RASAL1: variants seen among roughly 807,000 people sequenced by gnomAD.
RASAL1 encodes the protein rasGAP-activating-like protein 1.
Under a neutral mutation model 96.6 loss-of-function variants are expected in RASAL1, and 72 were observed. The ratio of observed to expected loss-of-function variants is 0.75; its 90% CI spans 0.62 to 0.91. RASAL1 has a LOEUF of 0.91. Ranked by LOEUF, RASAL1 falls within the 40% of genes least tolerant of loss-of-function variation. The probability of loss-of-function intolerance (pLI) is 0.00; values close to 1 mark genes in which losing one functional copy is unlikely to be tolerated. For synonymous variants in RASAL1, 405 were observed against 430.4 expected, an observed-to-expected ratio of 0.94 and a Z score of 0.73; for missense variants, 1,016 against 1,072.5, an observed-to-expected ratio of 0.95 and a Z score of 0.74.
At chr12:113,119,902 T>A (rs1951227974) in intron 5 of RASAL1, among the ~76,000 whole-genome samples, 1 of 152,088 alleles carries the variant, frequency 6.6e-6, no homozygotes, top group Non-Finnish European at 1.5e-5. Context: ...CAGACCAACC[T>A]CATAGAGCCG....
In RASAL1 at chr12:113,131,027, T is replaced by C. The variant is rs942062787; in HGVS notation, c.66-86A>G. 5.9e-6 allele frequency: 6 copies of C among 1,011,722 alleles called. No homozygotes were observed. The African/African-American group carries it at 9.6e-5, about 16-fold the overall frequency. The allele number at this position is 1,011,722 out of a possible 1,614,324, so 62.7% of individuals were successfully genotyped here. The stretch of plus-strand genomic sequence containing the variant: ...CCCAGTCATGACACAGGCAGGGGAG[T>C]CGGAGGCACAGACAGAGAAGGGGAC... On this transcript the variant is annotated intron_variant, in intron 1 of 20. Transcript: ENST00000548055.
At chr12:113,111,164 TG>T (rs1950854566) in intron 13 of RASAL1, among the ~76,000 whole-genome samples, 2 of 152,184 alleles carry the variant, frequency 1.3e-5, no homozygotes, top group African/African-American at 4.8e-5. Flanking sequence ...TTTCTATCCA[TG>T]TTGGTATAGC....
chr12:113,127,099 G>A (rs955493405), intron 4 of RASAL1, among the ~76,000 whole-genome samples: 11 of 150,940 alleles, frequency 7.3e-5, no homozygotes, highest in African/African-American at 2.7e-4. Flanking sequence ...ATGTTGTCCA[G>A]GCTGCTCACG....
upstream of RASAL1, among the ~76,000 whole-genome samples, chr12:113,136,449 A>T (rs183841308): frequency 0.012 from 1,851 of 152,246 alleles, 25 homozygotes; most frequent in African/African-American, 0.042. Context: ...ACTACACACT[A>T]CTCCACTGTT....
Position 113,117,225 on chromosome 12 carries a change from G to A in RASAL1, c.643-64C>T, listed in dbSNP as rs1951122900. On this transcript the variant is annotated intron_variant, in intron 7 of 20. Transcript: ENST00000548055. ...GCCTGCCCTGCCCTGCCTGGCTCAG[G>A]TCTCACCTAGCCCTGGAAGAACAGA... is the stretch of plus-strand genomic sequence containing the variant. 4 of 1,261,624 alleles carry A rather than the reference G, an allele frequency of 3.2e-6. No homozygotes were observed. The African/African-American group carries it at 4.5e-5, about 14-fold the overall frequency. 78.2% of individuals were successfully genotyped at this position (1,261,624 alleles called of 1,614,324 possible). A position where few individuals can be genotyped will look rare whatever the true frequency, so the allele number is the denominator to read the frequency against.
At chr12:113,114,346 C>T (rs191483138) in intron 12 of RASAL1, among the ~76,000 whole-genome samples, 22 of 151,822 alleles carry the variant, frequency 1.4e-4, no homozygotes, top group African/African-American at 4.1e-4. Context: ...TGGTGGTGTG[C>T]GCCTATAGTC....
chr12:113,116,428 A>T (rs567103852), intron 8 of RASAL1, among the ~76,000 whole-genome samples: 2 of 152,238 alleles, frequency 1.3e-5, no homozygotes, highest in South Asian at 4.1e-4. Context: ...GCGCATGGGC[A>T]GGTGTGGAGA....
chr12:113,099,768 T>C lies in RASAL1; in HGVS notation c.*161A>G. ...CCCCTGCCAAAGGGCTTCCATGCCC[T>C]GAGTTCTGGACTCAAGGCACACAGG... is the stretch of plus-strand genomic sequence containing the variant. On this transcript the variant is annotated 3_prime_UTR_variant, in exon 21 of 21. Transcript: ENST00000548055. 2 of 1,054,404 alleles carry C rather than the reference T, an allele frequency of 1.9e-6. No homozygotes were observed. The highest frequency in any genetic ancestry group is 1.6e-5 in the African/African-American group (1 of 62,938). 65.3% of individuals were successfully genotyped at this position (1,054,404 alleles called of 1,614,324 possible).
intron 12 of RASAL1, 127 bp from the exon 13 acceptor site, chr12:113,112,405 C>T: frequency 1.5e-6 from 1 of 657,156 alleles, no homozygotes; most frequent in Non-Finnish European, 2.2e-6. Flanking sequence ...CTTCCTGCCC[C>T]TTCCCACCGG....
In RASAL1 at chr12:113,114,890, T is replaced by C; in HGVS notation, c.1091A>G (p.His364Arg). 1 of 1,613,976 alleles carries C rather than the reference T, an allele frequency of 6.2e-7. No individual in the cohort carries two copies. Among genetic ancestry groups the C allele is most frequent in the Non-Finnish European group, 8.5e-7 (1 of 1,179,980 alleles). ...GCTAATCACAGGCTTCAGGACCTCG[T>C]GCAGGTAGGGCATGCCCACGAGCTG... ...FMKLVGMPYL[H>R]EVLKPVISRV... is the part of the protein sequence containing the mutation. The change falls in exon 12 of 21, where the codon CAC (histidine) becomes CGC (arginine). Residue 364 changes from histidine to arginine, a missense_variant. By Grantham distance (29) the His-to-Arg change is conservative (BLOSUM62 0). Coordinates refer to ENST00000548055, the MANE Select transcript of RASAL1 (RefSeq NM_001301202.2).
intron 18 of RASAL1, chr12:113,103,234 GTTA>G (rs148179381): frequency 0.11 from 16,604 of 148,614 alleles, 1,077 homozygotes; most frequent in Middle Eastern, 0.19. Context: ...TAATAACAAT[GTTA>G]TTATTTACAA....
intron 7 of RASAL1, among the ~76,000 whole-genome samples, chr12:113,118,814 T>G (rs1161954083): frequency 6.6e-6 from 1 of 152,116 alleles, no homozygotes; most frequent in Non-Finnish European, 1.5e-5. Flanking sequence ...CCATGAAGGT[T>G]AAGTAATGAG....
Position 113,115,067 on chromosome 12 carries a change from G to A in RASAL1, c.1068+133C>T. The A allele has an allele frequency of 3.5e-6, 4 of 1,150,910 alleles. No homozygotes were observed. Among genetic ancestry groups the A allele is most frequent in the Non-Finnish European group, 3.9e-6 (3 of 770,348 alleles). 71.3% of individuals were successfully genotyped at this position (1,150,910 alleles called of 1,614,324 possible). A position where few individuals can be genotyped will look rare whatever the true frequency, so the allele number is the denominator to read the frequency against. On this transcript the variant is annotated intron_variant, in intron 11 of 20. Transcript: ENST00000548055. This position sits in a 1 kb window ranked among gnomAD's most constrained non-coding sequence, Gnocchi z 4.1. ...CAGGTGCAACTCAGGGCAAGGCCGG[G>A]CACCAGCCGCCAGCACTGCAGCTCG...
chr12:113,132,544 G>C (rs1301795024), intron 1 of RASAL1, among the ~76,000 whole-genome samples: 1 of 152,104 alleles, frequency 6.6e-6, no homozygotes, highest in Non-Finnish European at 1.5e-5. Context: ...CTATTCAAAT[G>C]GCCCTCTCCC....
chr12:113,099,985 C>A lies in RASAL1; in HGVS notation c.2362G>T (p.Glu788Ter), dbSNP rs767981036. The A allele has an allele frequency of 9.9e-6, 16 of 1,613,726 alleles. No individual in the cohort carries two copies. In the South Asian group the frequency reaches 1.8e-4, roughly 18 times the overall value. Residue 788 changes from glutamate to a stop codon, truncating the protein, a stop_gained, in exon 21 of 21, where the codon GAG becomes TAG. Coordinates refer to ENST00000548055, the MANE Select transcript of RASAL1 (RefSeq NM_001301202.2). LOFTEE classifies it low-confidence loss of function (END_TRUNC). ...EVLADLDRAH[E>*]EFQQQERGKA... ...CCTCGCTCCTGCTGCTGGAACTCCT[C>A]GTGGGCACGATCCAGGTCTGCGAGC...
chr12:113,131,050 G>A (rs1951689451), intron 1 of RASAL1, 109 bp from the exon 2 acceptor site: 1 of 778,144 alleles, frequency 1.3e-6, no homozygotes. Flanking sequence ...CAGAGAAGGG[G>A]ACTTGCCCAG....
intron 4 of RASAL1, among the ~76,000 whole-genome samples, chr12:113,126,679 C>G (rs1357055647): frequency 6.9e-6 from 1 of 143,994 alleles, no homozygotes; most frequent in Non-Finnish European, 1.5e-5. Context: ...GAGACACTGT[C>G]TCTCTCTCTC....
intron 13 of RASAL1, among the ~76,000 whole-genome samples, chr12:113,109,260 GA>G: frequency 6.6e-6 from 1 of 152,180 alleles, no homozygotes; most frequent in East Asian, 1.9e-4. Flanking sequence ...CTAAGTATTA[GA>G]AACCAAGCCT....
chr12:113,104,025 G>A lies in RASAL1; in HGVS notation c.2025C>T (p.Asn675=). The part of the protein sequence containing the change: ...LSALRKASAP[N]PNKLAACHPG... ...GGTGGCAGGCGGCCAGCTTGTTCGGGTTGGGGGCGCTGGCCTTGCGCAAGG... is the reference window on the plus strand; with the variant it reads ...GGTGGCAGGCGGCCAGCTTGTTCGGATTGGGGGCGCTGGCCTTGCGCAAGG... Residue 675 remains asparagine, a synonymous_variant, in exon 18 of 21, where the codon AAC becomes AAT. Transcript: ENST00000548055. 1 of 1,576,946 alleles carries A rather than the reference G, an allele frequency of 6.3e-7. No homozygotes were observed. The highest frequency in any genetic ancestry group is 2.3e-5 in the East Asian group (1 of 43,672).
Sources: gnomAD v4.1 joint callset for allele counts (sites outside exome capture counted in the v4.1 genomes callset) on GRCh38, gnomAD v4.1.1 for gene constraint, Gnocchi (gnomAD v3.1) non-coding constraint, MANE v1.5 for transcripts, NCBI Gene and HGNC (gene_info 2026-07-23, HGNC 2026-07-21) for gene names.